The following SMTNL2 variants were observed in gnomAD, a reference collection of about 807,000 sequenced individuals.
SMTNL2 encodes smoothelin-like protein 2.
Under a neutral mutation model 44.1 loss-of-function variants are expected in SMTNL2, and 43 were observed. The ratio of observed to expected loss-of-function variants is 0.98; its 90% CI spans 0.76 to 1.26. The LOEUF is 1.26. Among genes scored for constraint, SMTNL2 ranks in the 50% most tolerant of loss-of-function variants. The probability of loss-of-function intolerance (pLI) is 0.00; values close to 1 mark genes in which losing one functional copy is unlikely to be tolerated. For missense variants in SMTNL2, 646 were observed against 670.2 expected, an observed-to-expected ratio of 0.96 and a Z score of 0.40; for synonymous variants, 317 against 287.6, an observed-to-expected ratio of 1.10 and a Z score of -1.03.
Position 4,584,613 on chromosome 17 carries a change from C to T in SMTNL2, c.8C>T (p.Pro3Leu), listed in dbSNP as rs1037996360. 3 of 1,241,414 alleles carry T rather than the reference C, an allele frequency of 2.4e-6. No homozygotes were observed. The highest frequency in any genetic ancestry group is 1.6e-5 in the African/African-American group (1 of 63,904). 76.9% of individuals were successfully genotyped at this position (1,241,414 alleles called of 1,614,324 possible). ME[P>L]APDAQEARTV... is the part of the protein sequence containing the mutation. ...CGCGCGCTCTGCTGGGCCATGGAGC[C>T]GGCCCCCGACGCCCAGGAGGCGCGC... is the stretch of plus-strand genomic sequence containing the variant. The change falls in exon 1 of 8, where the codon CCG becomes CTG. Residue 3 changes from proline (P) to leucine (L), a missense_variant. Coordinates refer to ENST00000389313, the MANE Select transcript of SMTNL2 (RefSeq NM_001114974.2).
intron 1 of SMTNL2, among the ~76,000 whole-genome samples, chr17:4,585,223 C>T (rs1379614609): frequency 2.0e-5 from 3 of 152,256 alleles, no homozygotes; most frequent in Non-Finnish European, 2.9e-5. Context: ...TGGTCCTCCG[C>T]CCTGTTTTAG....
rs1597415951 is a variant in SMTNL2, at chr17:4,599,448, G to A, written c.1259+2125G>A. On this transcript the variant is annotated intron_variant, in intron 7 of 7. Coordinates refer to ENST00000389313, the MANE Select transcript of SMTNL2 (RefSeq NM_001114974.2). The stretch of plus-strand genomic sequence containing the variant: ...TCAGAGGACACAGGGTCAGGGTATC[G>A]GGGTGGATACCCCAGCACCCACCCC... Among the ~76,000 whole-genome samples, 6 of 152,210 alleles carry A rather than the reference G, an allele frequency of 3.9e-5. 1 individual carries two copies. In the South Asian group the frequency reaches 1.0e-3, roughly 26 times the overall value.
chr17:4,593,198 G>A, intron 3 of SMTNL2, 27 bp downstream of exon 3: 1 of 1,550,984 alleles, frequency 6.4e-7, no homozygotes, highest in Non-Finnish European at 8.7e-7. Context: ...GTGGCCTTGG[G>A]GCAGACCTCC....
chr17:4,584,950 G>C lies in SMTNL2; in HGVS notation c.345G>C (p.Leu115=). The C allele has an allele frequency of 7.4e-7, 1 of 1,353,860 alleles. No individual in the cohort carries two copies. Among genetic ancestry groups the C allele is most frequent in the South Asian group, 1.8e-5 (1 of 56,664 alleles). 83.9% of individuals were successfully genotyped at this position (1,353,860 alleles called of 1,614,324 possible). Residue 115 remains leucine, a synonymous_variant, in exon 1 of 8, where the codon CTG becomes CTC. Coordinates refer to ENST00000389313, the MANE Select transcript of SMTNL2 (RefSeq NM_001114974.2). ...APGVPDRAPR[L]GSARFASHAT... is the part of the protein sequence containing the mutation. ...GGGTTCCCGACCGCGCGCCCCGCCT[G>C]GGCAGCGCACGCTTCGCCAGCCACG... is the stretch of plus-strand genomic sequence containing the variant.
chr17:4,608,301 A>T lies in SMTNL2; in HGVS notation c.*814A>T, dbSNP rs1910365331. ...TACCACTGACCCATTTATACATAAA[A>T]AAGATGTGTTGAATTTTGCTTGGGG... On this transcript the variant is annotated 3_prime_UTR_variant, in exon 8 of 8. Transcript: ENST00000389313. 6.6e-6 allele frequency: 1 copy of T among 152,164 alleles called. No individual in the cohort carries two copies. The highest frequency in any genetic ancestry group is 2.4e-5 in the African/African-American group (1 of 41,446). The allele number at this position is 152,164 out of a possible 1,614,324, so 9.4% of individuals were successfully genotyped here.
chr17:4,607,609 G>A lies in SMTNL2; in HGVS notation c.*122G>A. On this transcript the variant is annotated 3_prime_UTR_variant, in exon 8 of 8. Coordinates refer to ENST00000389313, the MANE Select transcript of SMTNL2 (RefSeq NM_001114974.2). The surrounding 1 kb of genome is among the most constrained non-coding windows in gnomAD (Gnocchi z 4.7). ...TTGGTGTGAGCGCGCTGTTTGTTCT[G>A]TGGCATGTGACGGCACTCCCCTTCG... is the stretch of plus-strand genomic sequence containing the variant. 6.8e-7 allele frequency: 1 copy of A among 1,470,514 alleles called. No homozygotes were observed. The highest frequency in any genetic ancestry group is 9.1e-7 in the Non-Finnish European group (1 of 1,094,686). 91.1% of individuals were successfully genotyped at this position (1,470,514 alleles called of 1,614,324 possible). A position where few individuals can be genotyped will look rare whatever the true frequency, so the allele number is the denominator to read the frequency against.
At chr17:4,591,376 C>T (rs541528304) in intron 1 of SMTNL2, among the ~76,000 whole-genome samples, 21 of 152,356 alleles carry the variant, frequency 1.4e-4, no homozygotes, top group African/African-American at 7.2e-5. Flanking sequence ...CAGACACTCT[C>T]AGCCGTTCAC....
chr17:4,603,013 G>A (rs573942752), intron 7 of SMTNL2, among the ~76,000 whole-genome samples: 2 of 152,328 alleles, frequency 1.3e-5, no homozygotes, highest in East Asian at 3.9e-4. Flanking sequence ...GACAGCGGAG[G>A]ATGACACAGG....
Position 4,592,283 on chromosome 17 carries a change from A to ATTTGGGGGTGGGCAGCT in SMTNL2, c.400-60_400-44dup. ...TGGTGTTTTGCCAGAACGGGAGGGGATTTGGGGGTGGGCAGCTTTTGGGGG... is the reference window on the plus strand; with the variant it reads ...TGGTGTTTTGCCAGAACGGGAGGGGATTTGGGGGTGGGCAGCTTTTGGGGGTGGGCAGCTTTTGGGGG... On this transcript the variant is annotated intron_variant, in intron 1 of 7. Transcript: ENST00000389313. The surrounding 1 kb of genome is among the most constrained non-coding windows in gnomAD (Gnocchi z 4.5). 1.8e-5 allele frequency: 17 copies of ATTTGGGGGTGGGCAGCT among 931,998 alleles called. No individual in the cohort carries two copies. The highest frequency in any genetic ancestry group is 2.3e-5 in the Non-Finnish European group (17 of 731,006). 57.7% of individuals were successfully genotyped at this position (931,998 alleles called of 1,614,324 possible).
intron 1 of SMTNL2, among the ~76,000 whole-genome samples, chr17:4,586,004 C>T (rs1909334288): frequency 1.3e-5 from 2 of 152,254 alleles, no homozygotes; most frequent in East Asian, 3.9e-4. Context: ...TAGTTAGCCC[C>T]TTCTCAGTGG....
chr17:4,601,871 T>G (rs1263383089), intron 7 of SMTNL2, among the ~76,000 whole-genome samples: 5 of 148,654 alleles, frequency 3.4e-5, no homozygotes, highest in Non-Finnish European at 1.5e-5. Flanking sequence ...GCAGTTGTTG[T>G]TTTTTTTTTA....
At position 4,595,267 on chromosome 17, in the gene SMTNL2, C is replaced by A; in HGVS notation, c.929C>A (p.Ser310Ter). The change falls in exon 5 of 8, where the codon TCG becomes TAG. Residue 310 changes from serine to a stop codon, truncating the protein, a stop_gained. Coordinates refer to ENST00000389313, the MANE Select transcript of SMTNL2 (RefSeq NM_001114974.2). LOFTEE classifies it high-confidence loss of function. This position sits in a 1 kb window ranked among gnomAD's most constrained non-coding sequence, Gnocchi z 5.1. ...LVRSQTLPRTSEAQARKALFE... is the reference protein window; with the variant it reads ...LVRSQTLPRT Reference sequence around the variant, plus strand: ...AGGTCGCAGACGCTGCCCCGCACCTCGGAGGCGCAGGCCCGGAAAGCATTG... The same window carrying A: ...AGGTCGCAGACGCTGCCCCGCACCTAGGAGGCGCAGGCCCGGAAAGCATTG... 6.2e-7 allele frequency: 1 copy of A among 1,613,212 alleles called. No homozygotes were observed.
At position 4,595,077 on chromosome 17, in the gene SMTNL2, A is replaced by G; in HGVS notation, c.807-68A>G. 1.2e-6 allele frequency: 2 copies of G among 1,605,632 alleles called. No individual in the cohort carries two copies. Among genetic ancestry groups the G allele is most frequent in the Non-Finnish European group, 1.7e-6 (2 of 1,174,514 alleles). On this transcript the variant is annotated intron_variant, in intron 4 of 7. Transcript: ENST00000389313. This position sits in a 1 kb window ranked among gnomAD's most constrained non-coding sequence, Gnocchi z 5.1. ...CTTGTCCACACTCAGTGCAATGGAG[A>G]CCTTGGGGCCTGGTGAGCTAGTGAT...
In SMTNL2 at chr17:4,600,884, GTGTCTC is replaced by G. The variant is rs1567637441; in HGVS notation, c.1259+3567_1259+3572del. Among the ~76,000 whole-genome samples the G allele has an allele frequency of 2.0e-5, 3 of 152,202 alleles. No individual in the cohort carries two copies. The highest frequency in any genetic ancestry group is 7.2e-5 in the African/African-American group (3 of 41,440). On this transcript the variant is annotated intron_variant, in intron 7 of 7. Transcript: ENST00000389313. The surrounding 1 kb of genome is among the most constrained non-coding windows in gnomAD (Gnocchi z 4.7). ...CTTCCAGGCTATTTGTAGTGCCCAT[GTGTCTC>G]TGTCTAAAACCAGATAGGAGGCAGT...
rs757040141 is a variant in SMTNL2, at chr17:4,607,457, G to C, written c.1356G>C (p.Ser452=). Residue 452 remains serine (S), a synonymous_variant, in exon 8 of 8, where the codon TCG becomes TCC. Transcript: ENST00000389313. The surrounding 1 kb of genome is among the most constrained non-coding windows in gnomAD (Gnocchi z 4.7). The stretch of plus-strand genomic sequence containing the variant: ...TGTGTGTCTTCACCTACGTCCAGTC[G>C]CTGTACAACCACCTGCGTCGCTTCG... ...DPMCVFTYVQ[S]LYNHLRRFE is the part of the protein sequence containing the mutation. 1 of 1,614,134 alleles carries C rather than the reference G, an allele frequency of 6.2e-7. No individual in the cohort carries two copies. Among genetic ancestry groups the C allele is most frequent in the Non-Finnish European group, 8.5e-7 (1 of 1,180,012 alleles).
Position 4,607,501 on chromosome 17 carries a change from G to C in SMTNL2, c.*14G>C. ...CGCTTCGAGTAAAGCCCCTGAGCCT[G>C]GATTGCCAAAGAGCAGCCCCAGGAA... On this transcript the variant is annotated 3_prime_UTR_variant, in exon 8 of 8. Transcript: ENST00000389313. The surrounding 1 kb of genome is among the most constrained non-coding windows in gnomAD (Gnocchi z 4.7). 18 of 1,613,222 alleles carry C rather than the reference G, an allele frequency of 1.1e-5. No homozygotes were observed. The highest frequency in any genetic ancestry group is 1.5e-5 in the Non-Finnish European group (18 of 1,179,286).
chr17:4,590,869 G>A (rs562592518), intron 1 of SMTNL2, among the ~76,000 whole-genome samples: 31 of 152,340 alleles, frequency 2.0e-4, no homozygotes, highest in African/African-American at 6.7e-4. Context: ...TGTCTAAGGC[G>A]TCAAGTACCC....
At chr17:4,603,970 G>A (rs1165125553) in intron 7 of SMTNL2, among the ~76,000 whole-genome samples, 3 of 151,952 alleles carry the variant, frequency 2.0e-5, no homozygotes, top group Admixed American at 6.6e-5. Context: ...TCAGCCTCCC[G>A]AGTAGCTGGG....
chr17:4,603,318 A>G (rs1484105898), intron 7 of SMTNL2, among the ~76,000 whole-genome samples: 1 of 152,128 alleles, frequency 6.6e-6, no homozygotes, highest in Non-Finnish European at 1.5e-5. Flanking sequence ...AAGACATGGA[A>G]GGAAGGTTTT....
Sources: gnomAD v4.1 joint callset for allele counts (sites outside exome capture counted in the v4.1 genomes callset) on GRCh38, gnomAD v4.1.1 for gene constraint, Gnocchi (gnomAD v3.1) non-coding constraint, MANE v1.5 for transcripts, NCBI Gene and HGNC (gene_info 2026-07-23, HGNC 2026-07-21) for gene names.